The following HPS5 variants were observed in gnomAD, a reference collection of about 807,000 sequenced individuals.
HPS5 encodes BLOC-2 complex member HPS5.
Under a neutral mutation model 128.0 loss-of-function variants are expected in HPS5, and 83 were observed. The observed-to-expected ratio is 0.65, with a 90% CI of 0.54 to 0.78. The LOEUF (loss-of-function observed/expected upper bound fraction) is 0.78, where lower values mean the gene tolerates loss of function less well. Ranked by LOEUF, HPS5 falls within the 30% of genes least tolerant of loss-of-function variation. The probability of loss-of-function intolerance (pLI) is 0.00; values close to 1 mark genes in which losing one functional copy is unlikely to be tolerated. For missense variants in HPS5, 1,281 were observed against 1,326.2 expected (o/e 0.97, Z 0.53); for synonymous variants, 475 against 470.2 (o/e 1.01, Z -0.13).
chr11:18,316,117 A>G (rs184796907), intron 2 of HPS5, among the ~76,000 whole-genome samples: 3 of 152,260 alleles, frequency 2.0e-5, no homozygotes, highest in African/African-American at 7.2e-5. Context: ...CAACATAGCA[A>G]GACCCCATCT....
rs765898093 is a variant in HPS5 at position 18,291,927 on chromosome 11, G to C, written c.1955C>G (p.Ala652Gly). 5 of 1,609,170 alleles carry C rather than the reference G, an allele frequency of 3.1e-6. No homozygotes were observed. The East Asian group carries it at 1.1e-4, about 36-fold the overall frequency. ...TGAAACACCTGAAAAGTCCTTCATGGCAAATGTTTTTTCTAAATGTGAAAG... is the reference window on the plus strand; with the variant it reads ...TGAAACACCTGAAAAGTCCTTCATGCCAAATGTTTTTTCTAAATGTGAAAG... ...EWLSHLEKTF[A>G]MKDFSGVSDT... Residue 652 changes from alanine (A) to glycine (G), a missense_variant, in exon 16 of 23, where the codon GCC becomes GGC. By Grantham distance (60) the Ala-to-Gly change is moderately conservative. Coordinates refer to ENST00000349215, the MANE Select transcript of HPS5 (RefSeq NM_181507.2).
intron 6 of HPS5, among the ~76,000 whole-genome samples, chr11:18,307,411 C>A (rs1465628607): frequency 1.3e-5 from 2 of 152,070 alleles, no homozygotes; most frequent in African/African-American, 4.8e-5. Context: ...CAGAGCTGTA[C>A]AGGAAGTAGT....
chr11:18,286,807 T>C (rs1859790108), intron 18 of HPS5, 97 bp from the exon 19 acceptor site: 2 of 1,448,568 alleles, frequency 1.4e-6, no homozygotes, highest in East Asian at 2.4e-5. Context: ...AAGAGATGAA[T>C]ATAGAAGAAG....
chr11:18,295,154 C>T lies in HPS5; in HGVS notation c.1650G>A (p.Val550=). Reference sequence around the variant, plus strand: ...TGCCAATCTTCTCAGTAGTTTTACGCACAAAGCTAGAAACACTAGAAGTCA... The same window carrying T: ...TGCCAATCTTCTCAGTAGTTTTACGTACAAAGCTAGAAACACTAGAAGTCA... ...QAVKESVSSF[V]RKTTEKIGTL... Residue 550 remains valine (V), a synonymous_variant, in exon 14 of 23, where the codon GTG becomes GTA. Coordinates refer to ENST00000349215, the MANE Select transcript of HPS5 (RefSeq NM_181507.2). 6.2e-7 allele frequency: 1 copy of T among 1,614,074 alleles called. No individual in the cohort carries two copies. The highest frequency in any genetic ancestry group is 8.5e-7 in the Non-Finnish European group (1 of 1,180,004).
chr11:18,309,164 A>G, intron 5 of HPS5, 85 bp from the exon 6 acceptor site: 2 of 1,306,038 alleles, frequency 1.5e-6, no homozygotes, highest in South Asian at 1.3e-5. Flanking sequence ...GTAAATGAAA[A>G]TAACTTGAAT....
intron 10 of HPS5, 94 bp downstream of exon 10, chr11:18,298,698 G>C (rs1298996914): frequency 8.2e-7 from 1 of 1,226,780 alleles, no homozygotes; most frequent in Non-Finnish European, 1.2e-6. Context: ...CACAGACAGG[G>C]TTAATAAAAT....
intron 21 of HPS5, among the ~76,000 whole-genome samples, chr11:18,282,548 A>G (rs546500729): frequency 3.9e-5 from 6 of 152,072 alleles, no homozygotes; most frequent in African/African-American, 1.2e-4. Context: ...GATTACAGGC[A>G]TGAGCTACCA....
intron 5 of HPS5, 98 bp from the exon 6 acceptor site, chr11:18,309,177 CA>C (rs1457589375): frequency 8.0e-7 from 1 of 1,244,522 alleles, no homozygotes; most frequent in East Asian, 2.5e-5. Context: ...ACTTGAATAG[CA>C]AAATAAAATT....
chr11:18,317,598 A>G (rs769155877), intron 2 of HPS5, among the ~76,000 whole-genome samples, 153 bp downstream of exon 2: 17 of 152,188 alleles, frequency 1.1e-4, no homozygotes, highest in Non-Finnish European at 2.2e-4. Flanking sequence ...TCAGATAAAA[A>G]GTTTATTTTC....
intron 6 of HPS5, among the ~76,000 whole-genome samples, chr11:18,306,930 T>C (rs1192839081): frequency 2.6e-5 from 4 of 152,224 alleles, no homozygotes; most frequent in African/African-American, 9.6e-5. Flanking sequence ...GTGATAATGA[T>C]GAGGGAGATG....
In HPS5 at chr11:18,279,755, T is replaced by C. The variant is rs1430521075; in HGVS notation, c.*127A>G. On this transcript the variant is annotated 3_prime_UTR_variant, in exon 23 of 23. Transcript: ENST00000349215. ...CCAAGGGTACAGACACTGACAAAAGTAGCCCCAATAAGATGGCAGGATTTG... is the reference window on the plus strand; with the variant it reads ...CCAAGGGTACAGACACTGACAAAAGCAGCCCCAATAAGATGGCAGGATTTG... 1.2e-5 allele frequency: 10 copies of C among 854,728 alleles called. No individual in the cohort carries two copies. Among genetic ancestry groups the C allele is most frequent in the African/African-American group, 3.3e-5 (2 of 59,736 alleles). 52.9% of individuals were successfully genotyped at this position (854,728 alleles called of 1,614,324 possible). A position where few individuals can be genotyped will look rare whatever the true frequency, so the allele number is the denominator to read the frequency against.
chr11:18,296,235 C>A, intron 12 of HPS5, 113 bp from the exon 13 acceptor site: 1 of 1,072,226 alleles, frequency 9.3e-7, no homozygotes, highest in Non-Finnish European at 1.4e-6. Context: ...GATTCAATAC[C>A]AAAATCACAA....
chr11:18,283,651 C>T (rs1859322284), intron 21 of HPS5, 144 bp downstream of exon 21: 1 of 668,198 alleles, frequency 1.5e-6, no homozygotes, highest in Non-Finnish European at 2.7e-6. Flanking sequence ...AAAACAAAAA[C>T]AAAAACTCCA....
At chr11:18,288,121 C>T (rs1447634388) in intron 16 of HPS5, 108 bp from the exon 17 acceptor site, 8 of 1,188,880 alleles carry the variant, frequency 6.7e-6, no homozygotes, top group South Asian at 1.3e-5. Flanking sequence ...ACTGTGTGGA[C>T]CTATTATGTG....
At position 18,291,960 on chromosome 11, in the gene HPS5, T is replaced by A. The variant is rs768204584; in HGVS notation, c.1922A>T (p.Gln641Leu). ...FESESLRMVL[Q>L]EWLSHLEKTF... ...TTTTTCTAAATGTGAAAGCCACTCC[T>A]GTAAAACCATTCTCAGAGACTCGGA... The change falls in exon 16 of 23, where the codon CAG (glutamine) becomes CTG (leucine). Residue 641 changes from glutamine to leucine, a missense_variant. Gln to Leu is a moderately radical substitution (Grantham distance 113). Coordinates refer to ENST00000349215, the MANE Select transcript of HPS5 (RefSeq NM_181507.2). 1 of 1,613,464 alleles carries A rather than the reference T, an allele frequency of 6.2e-7. No individual in the cohort carries two copies.
chr11:18,296,649 G>T, intron 12 of HPS5, 149 bp downstream of exon 12: 1 of 815,210 alleles, frequency 1.2e-6, no homozygotes, highest in South Asian at 1.3e-5. Context: ...GTAGGGGGCA[G>T]ATCTGTAGAT....
intron 16 of HPS5, 77 bp from the exon 17 acceptor site, chr11:18,288,090 G>A (rs1859965038): frequency 1.3e-6 from 2 of 1,512,840 alleles, no homozygotes; most frequent in Admixed American, 1.7e-5. Flanking sequence ...TGTTCATTCA[G>A]CAATCATTAG....
intron 12 of HPS5, 99 bp downstream of exon 12, chr11:18,296,697 AAC>A: frequency 9.4e-7 from 1 of 1,064,666 alleles, no homozygotes; most frequent in Non-Finnish European, 1.5e-6. Flanking sequence ...AAAAATTATT[AAC>A]ACTTCAGAGA....
rs1031903782 is a variant in HPS5, at chr11:18,287,471, T to C, written c.2717+64A>G. On this transcript the variant is annotated intron_variant, in intron 18 of 22. Coordinates refer to ENST00000349215, the MANE Select transcript of HPS5 (RefSeq NM_181507.2). ...AACAGTACACAATGTGACACCTGCT[T>C]ATAAAAGAGAAACAATGCCCTGTCA... 11 of 1,557,650 alleles carry C rather than the reference T, an allele frequency of 7.1e-6. No individual in the cohort carries two copies. In the Admixed American group the frequency reaches 1.8e-4, roughly 26 times the overall value.
Sources: allele counts gnomAD v4.1 joint callset (sites outside exome capture counted in the v4.1 genomes callset), GRCh38; gene constraint gnomAD v4.1.1; transcripts MANE v1.5; gene names NCBI Gene and HGNC (gene_info 2026-07-23, HGNC 2026-07-21).